Variants in LIX1L observed in about 807,000 individuals in gnomAD.
LIX1L encodes LIX1-like protein.
LIX1L carries 20 observed loss-of-function variants against 34.0 expected under a neutral mutation model. The observed-to-expected ratio is 0.59, with a 90% confidence interval of 0.41 to 0.85. The LOEUF (loss-of-function observed/expected upper bound fraction) is 0.85. Among genes scored for constraint, LIX1L ranks in the 40% least tolerant of loss-of-function variants. The pLI is 0.00. For missense variants in LIX1L, 397 were observed against 447.0 expected (o/e 0.89, Z 1.01); for synonymous variants, 170 against 187.4 (o/e 0.91, Z 0.76).
In LIX1L at chr1:145,957,923, T is replaced by C; in HGVS notation, c.5A>G (p.Glu2Gly). 6.7e-7 allele frequency: 1 copy of C among 1,482,976 alleles called. No homozygotes were observed. Among genetic ancestry groups the C allele is most frequent in the Non-Finnish European group, 8.9e-7 (1 of 1,120,188 alleles). The allele number at this position is 1,482,976 out of a possible 1,614,324, so 91.9% of individuals were successfully genotyped here. Residue 2 changes from glutamate to glycine, a missense_variant, in exon 1 of 6, where the codon GAG (glutamate) becomes GGG (glycine). Physicochemically the swap from Glu to Gly is moderately conservative, Grantham distance 98 (BLOSUM62 -2). Transcript: ENST00000604000. METMRAQRLQPG... is the reference protein window; with the variant it reads MGTMRAQRLQPG... ...CTGCAGCCGCTGCGCTCGCATAGTC[T>C]CCATCCCGGCCGCCAATGGAGTAGC...
chr1:145,942,633 T>C, intron 3 of LIX1L, 80 bp downstream of exon 3: 5 of 1,297,664 alleles, frequency 3.9e-6, no homozygotes, highest in Non-Finnish European at 5.5e-6. Context: ...TCATGCTCTG[T>C]TTCACAGTAA....
chr1:145,956,273 A>G (rs587629124), intron 1 of LIX1L, among the ~76,000 whole-genome samples: 12 of 152,378 alleles, frequency 7.9e-5, no homozygotes, highest in African/African-American at 2.9e-4. Context: ...CATTAGGCAC[A>G]TATAGCAAAA....
In LIX1L at chr1:145,947,734, C is replaced by T. The variant is rs142637090; in HGVS notation, c.341G>A (p.Arg114His). 8.2e-5 allele frequency: 132 copies of T among 1,613,990 alleles called. No homozygotes were observed. Among genetic ancestry groups the T allele is most frequent in the Non-Finnish European group, 9.7e-5 (115 of 1,180,034 alleles). Reference protein sequence around the residue: ...LQEFWQMKQSRGADLKNGALV... With the variant: ...LQEFWQMKQSHGADLKNGALV... The stretch of plus-strand genomic sequence containing the variant: ...AGCCCCATTCTTTAAGTCAGCACCA[C>T]GGGACTGCTTCATCTGCCAGAATTC... The change falls in exon 2 of 6, where the codon CGT (arginine) becomes CAT (histidine). Residue 114 changes from arginine to histidine, a missense_variant. This residue lies in a region of LIX1L where 207 missense variants were observed against 205.2 expected (regional missense o/e 1.01). Coordinates refer to ENST00000604000, the MANE Select transcript of LIX1L (RefSeq NM_153713.3).
At chr1:145,936,867 T>C (rs782522524) in intron 5 of LIX1L, 41 bp downstream of exon 5, 10 of 1,308,822 alleles carry the variant, frequency 7.6e-6, no homozygotes, top group South Asian at 2.4e-5. Flanking sequence ...CACTGACAGA[T>C]TGTGCTCCCC....
rs1048898666 is a variant in LIX1L at position 145,957,691 on chromosome 1, C to T, written c.237G>A (p.Glu79=). Residue 79 remains glutamate, a synonymous_variant, in exon 1 of 6, where the codon GAG becomes GAA. Transcript: ENST00000604000. ...AGCTCCTCACCACGGCCTCCACGGC[C>T]TCTCGCAGCACTGCCGGGCTGCCGG... ...GAAGSPAVLR[E]AVEAVVRSFA... is the part of the protein sequence containing the mutation. 6.5e-7 allele frequency: 1 copy of T among 1,531,196 alleles called. No individual in the cohort carries two copies. Among genetic ancestry groups the T allele is most frequent in the Non-Finnish European group, 8.7e-7 (1 of 1,145,080 alleles). 94.9% of individuals were successfully genotyped at this position (1,531,196 alleles called of 1,614,324 possible).
chr1:145,945,325 C>G lies in LIX1L; in HGVS notation c.456+2294G>C, dbSNP rs183447195. ...CAAAAAAAAAAAAAAAAAGTTTAGG[C>G]TAAAAGGCCAAGAAAGACAATTCTC... On this transcript the variant is annotated intron_variant, in intron 2 of 5. Coordinates refer to ENST00000604000, the MANE Select transcript of LIX1L (RefSeq NM_153713.3). Among the ~76,000 whole-genome samples, 613 of 142,472 alleles carry G rather than the reference C, an allele frequency of 4.3e-3. 5 individuals carry two copies. Among genetic ancestry groups the G allele is most frequent in the African/African-American group, 0.013 (504 of 38,474 alleles). The allele number at this position is 142,472 out of a possible 152,430, so 93.5% of individuals were successfully genotyped here.
intron 1 of LIX1L, among the ~76,000 whole-genome samples, chr1:145,952,728 A>G (rs1649343193): frequency 6.6e-6 from 1 of 151,820 alleles, no homozygotes; most frequent in Non-Finnish European, 1.5e-5. Context: ...TCTCCTGCTC[A>G]GCCTCCCGAG....
intron 3 of LIX1L, chr1:145,941,794 G>A (rs782236334): frequency 1.3e-5 from 2 of 152,128 alleles, no homozygotes; most frequent in Non-Finnish European, 2.9e-5. Flanking sequence ...CACCTCATAA[G>A]ATTGTTGTGA....
At chr1:145,947,854 T>A in intron 1 of LIX1L, 72 bp from the exon 2 acceptor site, 1 of 1,364,486 alleles carries the variant, frequency 7.3e-7, no homozygotes, top group Admixed American at 1.7e-5. Context: ...TTCAATACAG[T>A]ACCTGTAACC....
chr1:145,936,316 G>A lies in LIX1L; in HGVS notation c.1008C>T (p.Asn336=). Reference sequence around the variant, plus strand: ...GAGTTATGTGGGTGGATGCCTAGCAGTTGGAAGAATGCATATTGCCCAACT... The same window carrying A: ...GAGTTATGTGGGTGGATGCCTAGCAATTGGAAGAATGCATATTGCCCAACT... ...AGQLGNMHSS[N]C The change falls in exon 6 of 6, where the codon AAC becomes AAT. Residue 336 remains asparagine (N), a synonymous_variant. Transcript: ENST00000604000. 1.2e-6 allele frequency: 2 copies of A among 1,614,104 alleles called. No individual in the cohort carries two copies. The highest frequency in any genetic ancestry group is 1.7e-6 in the Non-Finnish European group (2 of 1,179,966).
intron 5 of LIX1L, 56 bp from the exon 6 acceptor site, chr1:145,936,608 C>T: frequency 6.3e-7 from 1 of 1,593,384 alleles, no homozygotes; most frequent in Non-Finnish European, 8.6e-7. Flanking sequence ...CATATCATAC[C>T]ACACTGACCC....
intron 1 of LIX1L, among the ~76,000 whole-genome samples, chr1:145,957,242 G>T (rs1290815116): frequency 6.6e-6 from 1 of 152,160 alleles, no homozygotes; most frequent in Non-Finnish European, 1.5e-5. Context: ...GATCACAGAG[G>T]AAAGACTGAG....
chr1:145,954,222 C>T (rs1236965340), intron 1 of LIX1L, among the ~76,000 whole-genome samples: 10 of 152,104 alleles, frequency 6.6e-5, no homozygotes, highest in East Asian at 3.8e-4. Context: ...GGAGGGAGCA[C>T]GGCCCTGCCA....
At chr1:145,947,896 C>T (rs1649168025) in intron 1 of LIX1L, 114 bp from the exon 2 acceptor site, 1 of 831,344 alleles carries the variant, frequency 1.2e-6, no homozygotes, top group Admixed American at 2.4e-5. Flanking sequence ...CCCCTTAGCT[C>T]CCTACCTATC....
intron 3 of LIX1L, chr1:145,940,100 G>T (rs1553758407): frequency 6.6e-6 from 1 of 152,078 alleles, no homozygotes; most frequent in African/African-American, 2.4e-5. Context: ...CAAATAGCTG[G>T]AATTACAGGC....
intron 1 of LIX1L, among the ~76,000 whole-genome samples, chr1:145,952,889 G>A (rs1279668020): frequency 6.6e-6 from 1 of 152,106 alleles, no homozygotes; most frequent in Non-Finnish European, 1.5e-5. Flanking sequence ...GGGATTACAG[G>A]TGTGAGTCAC....
At chr1:145,956,151 C>T (rs1649465889) in intron 1 of LIX1L, among the ~76,000 whole-genome samples, 1 of 152,146 alleles carries the variant, frequency 6.6e-6, no homozygotes, top group South Asian at 2.1e-4. Context: ...ATAGTATTTC[C>T]TCATGAGTTT....
intron 4 of LIX1L, 96 bp from the exon 5 acceptor site, chr1:145,937,081 A>G: frequency 2.6e-6 from 2 of 765,084 alleles, no homozygotes; most frequent in Non-Finnish European, 4.6e-6. Context: ...ATGGATTTGT[A>G]GAAGCATCTC....
intron 1 of LIX1L, among the ~76,000 whole-genome samples, chr1:145,950,709 C>T (rs1553759763): frequency 1.3e-5 from 2 of 152,172 alleles, no homozygotes; most frequent in African/African-American, 4.8e-5. Flanking sequence ...AGTGAGAAGT[C>T]CTCATGCCAA....
Sources: allele counts gnomAD v4.1 joint callset (sites outside exome capture counted in the v4.1 genomes callset), GRCh38; gene constraint gnomAD v4.1.1; regional missense constraint gnomAD v4.1.1; transcripts MANE v1.5; gene names NCBI Gene and HGNC (gene_info 2026-07-23, HGNC 2026-07-21).